ZNF385B: variants seen among roughly 807,000 people sequenced by gnomAD.
ZNF385B encodes zinc finger protein 533.
In ZNF385B, 23 loss-of-function variants were observed where a neutral mutation model predicts 39.2. The ratio of observed to expected loss-of-function variants is 0.59; its 90% CI spans 0.42 to 0.83. The LOEUF (loss-of-function observed/expected upper bound fraction) is 0.83, where lower values mean the gene tolerates loss of function less well. Ranked by LOEUF, ZNF385B falls within the 40% of genes least tolerant of loss-of-function variation. The pLI, the probability that ZNF385B is intolerant of heterozygous loss-of-function variation, is 0.00. For missense variants in ZNF385B, 552 were observed against 598.9 expected (o/e 0.92, Z 0.82); for synonymous variants, 205 against 222.6 (o/e 0.92, Z 0.70).
At chr2:179,761,576 T>C (rs1414343485) in intron 3 of ZNF385B, among the ~76,000 whole-genome samples, 1 of 149,792 alleles carries the variant, frequency 6.7e-6, no homozygotes, top group East Asian at 1.9e-4. Flanking sequence ...AAATATAATA[T>C]GCAATTGATT....
At chr2:179,829,916 A>AT in intron 1 of ZNF385B, among the ~76,000 whole-genome samples, 1 of 152,356 alleles carries the variant, frequency 6.6e-6, no homozygotes, top group Admixed American at 6.5e-5. Context: ...CTGAGAAGAT[A>AT]TTTTTAAGAG....
At chr2:179,686,963 T>C (rs1418655820) in intron 3 of ZNF385B, among the ~76,000 whole-genome samples, 1 of 48,266 alleles carries the variant, frequency 2.1e-5, no homozygotes, top group African/African-American at 1.0e-4. Flanking sequence ...AAATTTGTAC[T>C]GTTTTTTTTT....
At chr2:179,805,500 CTGTAACTTAACAAAT>C (rs1706293418) in intron 1 of ZNF385B, among the ~76,000 whole-genome samples, 1 of 152,184 alleles carries the variant, frequency 6.6e-6, no homozygotes, top group South Asian at 2.1e-4. Flanking sequence ...TAATTCTAAT[CTGTAACTTAACAAAT>C]TATATTATTA....
intron 5 of ZNF385B, among the ~76,000 whole-genome samples, chr2:179,516,487 T>C (rs1459292909): frequency 2.0e-5 from 3 of 152,140 alleles, no homozygotes; most frequent in South Asian, 2.1e-4. Flanking sequence ...ATAGGTGTAG[T>C]GCTATCTGAT....
intron 1 of ZNF385B, among the ~76,000 whole-genome samples, chr2:179,800,631 T>C (rs1705969592): frequency 6.6e-6 from 1 of 152,122 alleles, no homozygotes; most frequent in Admixed American, 6.6e-5. Flanking sequence ...TACTTGTATA[T>C]CTAAGCTACC....
At chr2:179,580,734 T>C (rs1248203378) in intron 3 of ZNF385B, among the ~76,000 whole-genome samples, 1 of 152,244 alleles carries the variant, frequency 6.6e-6, no homozygotes, top group African/African-American at 2.4e-5. Flanking sequence ...GTTCTTGGAC[T>C]TCTCAGTCTT....
chr2:179,496,877 T>C (rs2056271733), intron 5 of ZNF385B, among the ~76,000 whole-genome samples: 1 of 152,094 alleles, frequency 6.6e-6, no homozygotes, highest in Non-Finnish European at 1.5e-5. Flanking sequence ...GGCAAAACCT[T>C]GTCTCTACTG....
At chr2:179,780,886 T>C (rs1704623720) in intron 1 of ZNF385B, among the ~76,000 whole-genome samples, 1 of 152,198 alleles carries the variant, frequency 6.6e-6, no homozygotes, top group Non-Finnish European at 1.5e-5. Flanking sequence ...TAATCAAACT[T>C]ACACAGGCTA....
At chr2:179,566,483 T>G (rs1684590724) in intron 3 of ZNF385B, among the ~76,000 whole-genome samples, 1 of 152,236 alleles carries the variant, frequency 6.6e-6, no homozygotes, top group Non-Finnish European at 1.5e-5. Context: ...GACTTTTGTT[T>G]TCTTTTTTAT....
chr2:179,807,740 A>G (rs1392553919), intron 1 of ZNF385B, among the ~76,000 whole-genome samples: 1 of 151,792 alleles, frequency 6.6e-6, no homozygotes. Flanking sequence ...CTAAAAATAC[A>G]AAAAATTAGC....
chr2:179,752,914 C>T (rs1702770606), intron 3 of ZNF385B, among the ~76,000 whole-genome samples: 1 of 152,060 alleles, frequency 6.6e-6, no homozygotes, highest in South Asian at 2.1e-4. Flanking sequence ...GTTTCTTTTG[C>T]TGTGCAGAAG....
At chr2:179,822,334 T>C (rs1431479503) in intron 1 of ZNF385B, among the ~76,000 whole-genome samples, 1 of 152,248 alleles carries the variant, frequency 6.6e-6, no homozygotes, top group Non-Finnish European at 1.5e-5. Flanking sequence ...CTAGCTGTTA[T>C]AAAAGGCAAT....
At chr2:179,539,375 T>C (rs985395064) in intron 4 of ZNF385B, among the ~76,000 whole-genome samples, 1 of 152,146 alleles carries the variant, frequency 6.6e-6, no homozygotes, top group African/African-American at 2.4e-5. Context: ...CACTATCAAA[T>C]TGGGGGTTAT....
chr2:179,477,350 C>T (rs12990747), intron 6 of ZNF385B, among the ~76,000 whole-genome samples: 37,037 of 152,078 alleles, frequency 0.24, 5,236 homozygotes, highest in East Asian at 0.52. Context: ...TCATTGATAA[C>T]GACTCTGGGT....
At chr2:179,814,928 TA>T (rs1332388409) in intron 1 of ZNF385B, among the ~76,000 whole-genome samples, 17 of 152,190 alleles carry the variant, frequency 1.1e-4, no homozygotes, top group South Asian at 1.0e-3. Flanking sequence ...AAAATGCATA[TA>T]AAAAAATTTA....
chr2:179,835,628 T>C lies in ZNF385B; in HGVS notation c.-155+25473A>G, dbSNP rs143694219. Reference sequence around the variant, plus strand: ...CTGTCAGTTCTCAATTCCTACCTCTTCTCACCCTTATGCATTAGTCCCCAT... The same window carrying C: ...CTGTCAGTTCTCAATTCCTACCTCTCCTCACCCTTATGCATTAGTCCCCAT... On this transcript the variant is annotated intron_variant, in intron 1 of 9. Coordinates refer to ENST00000410066, the MANE Select transcript of ZNF385B (RefSeq NM_152520.6). 5.9e-3 allele frequency among the ~76,000 whole-genome samples: 900 copies of C among 152,188 alleles called. 14 individuals carry two copies. Among genetic ancestry groups the C allele is most frequent in the African/African-American group, 0.021 (872 of 41,504 alleles).
At chr2:179,806,531 A>AG (rs1706362926) in intron 1 of ZNF385B, among the ~76,000 whole-genome samples, 1 of 152,196 alleles carries the variant, frequency 6.6e-6, no homozygotes, top group Non-Finnish European at 1.5e-5. Flanking sequence ...TTAACCTTTC[A>AG]ATAACGTAAC....
chr2:179,474,407 T>C (rs1413149466), intron 6 of ZNF385B, among the ~76,000 whole-genome samples: 2 of 152,178 alleles, frequency 1.3e-5, no homozygotes, highest in Non-Finnish European at 2.9e-5. Flanking sequence ...AGTAGTAACA[T>C]AATTAGTATG....
At chr2:179,625,224 CTCTTTT>C (rs573961479) in intron 3 of ZNF385B, among the ~76,000 whole-genome samples, 3 of 152,072 alleles carry the variant, frequency 2.0e-5, no homozygotes, top group Non-Finnish European at 2.9e-5. Context: ...GAGAGTGTCT[CTCTTTT>C]TCTTTAATAA....
Sources: allele counts gnomAD v4.1 joint callset (sites outside exome capture counted in the v4.1 genomes callset), GRCh38; gene constraint gnomAD v4.1.1; transcripts MANE v1.5; gene names NCBI Gene and HGNC (gene_info 2026-07-23, HGNC 2026-07-21).